The following MRPS27 variants were observed in gnomAD, a reference collection of about 807,000 sequenced individuals.
The protein encoded by MRPS27 is small ribosomal subunit protein mS27.
Under a neutral mutation model 48.9 loss-of-function variants are expected in MRPS27, and 43 were observed. The observed-to-expected ratio is 0.88, with a 90% CI of 0.69 to 1.13. The LOEUF is 1.13. MRPS27 is among the 50% of genes most tolerant of loss of function. MRPS27 has a pLI of 0.00. For missense variants in MRPS27, 467 were observed against 476.3 expected, an observed-to-expected ratio of 0.98 and a Z score of 0.18; for synonymous variants, 188 against 171.9, an observed-to-expected ratio of 1.09 and a Z score of -0.73.
chr5:72,231,897 A>G (rs1748073165), intron 7 of MRPS27, among the ~76,000 whole-genome samples: 1 of 152,170 alleles, frequency 6.6e-6, no homozygotes, highest in African/African-American at 2.4e-5. Flanking sequence ...TAATACATTT[A>G]AAACAAGAAC....
intron 4 of MRPS27, among the ~76,000 whole-genome samples, chr5:72,258,439 T>C (rs1748871313): frequency 6.6e-6 from 1 of 152,154 alleles, no homozygotes; most frequent in South Asian, 2.1e-4. Context: ...AGAAGAAATA[T>C]AGGCACTATG....
intron 4 of MRPS27, among the ~76,000 whole-genome samples, chr5:72,288,490 G>A (rs531503286): frequency 2.1e-4 from 32 of 152,316 alleles, no homozygotes; most frequent in Admixed American, 6.5e-5. Context: ...GATTACAGGC[G>A]TGAGCCACTG....
chr5:72,256,163 C>A (rs1748799912), intron 4 of MRPS27, among the ~76,000 whole-genome samples: 1 of 152,168 alleles, frequency 6.6e-6, no homozygotes, highest in Admixed American at 6.5e-5. Flanking sequence ...TATTATATCC[C>A]TTCAATGACT....
chr5:72,242,438 A>AC lies in MRPS27; in HGVS notation c.282-4311_282-4310insG, dbSNP rs564169131. The stretch of plus-strand genomic sequence containing the variant: ...AAAGAGATCAAGAGTGAAAAAAAAA[A>AC]AAAAAACACCACAGACTGACTGTGA... On this transcript the variant is annotated intron_variant, in intron 4 of 10. Coordinates refer to ENST00000261413, the MANE Select transcript of MRPS27 (RefSeq NM_015084.3). Among the ~76,000 whole-genome samples the AC allele has an allele frequency of 3.3e-3, 500 of 151,518 alleles. 1 individual carries two copies. The highest frequency in any genetic ancestry group is 0.011 in the African/African-American group (447 of 41,192).
intron 4 of MRPS27, chr5:72,241,670 G>A: frequency 6.5e-7 from 1 of 1,535,426 alleles, no homozygotes; most frequent in Non-Finnish European, 8.7e-7. Flanking sequence ...GTGGATTGCT[G>A]GATGAGCATT....
At chr5:72,261,667 T>C (rs1222541165) in intron 4 of MRPS27, among the ~76,000 whole-genome samples, 5 of 152,206 alleles carry the variant, frequency 3.3e-5, no homozygotes, top group Non-Finnish European at 7.3e-5. Context: ...TATTTATGAG[T>C]ATTATGAGAT....
chr5:72,272,341 C>T lies in MRPS27; in HGVS notation c.281+23190G>A, dbSNP rs568309548. 2.6e-5 allele frequency among the ~76,000 whole-genome samples: 4 copies of T among 152,340 alleles called. 1 individual carries two copies. Among genetic ancestry groups the T allele is most frequent in the African/African-American group, 7.2e-5 (3 of 41,586 alleles). On this transcript the variant is annotated intron_variant, in intron 4 of 10. Coordinates refer to ENST00000261413, the MANE Select transcript of MRPS27 (RefSeq NM_015084.3). ...AGGACTTTCCCACCATTCCTTAAAA[C>T]TGGTAAGAGTAGCTCATTGTGCATA...
intron 1 of MRPS27, among the ~76,000 whole-genome samples, chr5:72,316,046 A>G (rs942125516): frequency 2.0e-5 from 3 of 152,252 alleles, no homozygotes; most frequent in African/African-American, 4.8e-5. Flanking sequence ...GGCAATAAAA[A>G]ATGAAGTACT....
At chr5:72,243,402 T>C (rs143560964) in intron 4 of MRPS27, among the ~76,000 whole-genome samples, 95 of 152,322 alleles carry the variant, frequency 6.2e-4, no homozygotes, top group African/African-American at 2.2e-3. Context: ...CTAACAATTA[T>C]TAGTTGCCCT....
intron 4 of MRPS27, among the ~76,000 whole-genome samples, chr5:72,242,769 C>G (rs558741310): frequency 6.6e-6 from 1 of 151,514 alleles, no homozygotes; most frequent in African/African-American, 2.4e-5. Context: ...GAAAATATAG[C>G]CTTTCTTCCA....
intron 10 of MRPS27, 131 bp downstream of exon 10, chr5:72,223,552 A>G (rs1161640964): frequency 1.8e-6 from 2 of 1,136,132 alleles, no homozygotes; most frequent in African/African-American, 3.1e-5. Flanking sequence ...AGCAATAAAA[A>G]TGTAATTTTT....
At chr5:72,317,531 C>A (rs1025493955) in intron 1 of MRPS27, among the ~76,000 whole-genome samples, 1 of 151,874 alleles carries the variant, frequency 6.6e-6, no homozygotes, top group African/African-American at 2.4e-5. Context: ...TTCAGGCATG[C>A]GCCACCACGC....
intron 4 of MRPS27, 55 bp downstream of exon 4, chr5:72,295,476 T>TA (rs1336716969): frequency 4.5e-6 from 6 of 1,332,310 alleles, no homozygotes; most frequent in South Asian, 2.5e-5. Context: ...AACTTTTATG[T>TA]AAAAAAGGGG....
chr5:72,222,243 G>T (rs139983721), intron 10 of MRPS27, among the ~76,000 whole-genome samples: 1 of 152,212 alleles, frequency 6.6e-6, no homozygotes, highest in Non-Finnish European at 1.5e-5. Flanking sequence ...GGGGTTTGAG[G>T]CCAACAAGAC....
chr5:72,246,178 T>C (rs1018116088), intron 4 of MRPS27, among the ~76,000 whole-genome samples: 1 of 152,214 alleles, frequency 6.6e-6, no homozygotes, highest in Non-Finnish European at 1.5e-5. Flanking sequence ...TAAATACCCA[T>C]CATGCATGCT....
chr5:72,263,116 T>G (rs1749025631), intron 4 of MRPS27, among the ~76,000 whole-genome samples: 1 of 152,228 alleles, frequency 6.6e-6, no homozygotes, highest in Non-Finnish European at 1.5e-5. Context: ...AACTCTGGTT[T>G]GCAATGTCTA....
At chr5:72,260,213 T>C (rs1424441721) in intron 4 of MRPS27, among the ~76,000 whole-genome samples, 2 of 152,250 alleles carry the variant, frequency 1.3e-5, no homozygotes, top group Non-Finnish European at 2.9e-5. Context: ...TTTTGACATT[T>C]ATGCCATGCT....
intron 4 of MRPS27, among the ~76,000 whole-genome samples, chr5:72,279,231 C>T (rs1303719343): frequency 6.6e-6 from 1 of 152,152 alleles, no homozygotes; most frequent in African/African-American, 2.4e-5. Flanking sequence ...TGAGAGTGAG[C>T]ATCTATTCAT....
intron 4 of MRPS27, among the ~76,000 whole-genome samples, chr5:72,265,983 G>C (rs1001149673): frequency 3.3e-5 from 5 of 152,072 alleles, no homozygotes; most frequent in African/African-American, 1.2e-4. Context: ...CTCCTATGAA[G>C]GTGGTGTATT....
Sources: allele counts gnomAD v4.1 joint callset (sites outside exome capture counted in the v4.1 genomes callset), GRCh38; gene constraint gnomAD v4.1.1; transcripts MANE v1.5; gene names NCBI Gene and HGNC (gene_info 2026-07-23, HGNC 2026-07-21).